Variants in FRK observed in about 807,000 individuals in gnomAD.
The protein encoded by FRK is tyrosine-protein kinase FRK.
A neutral mutation model predicts 56.4 loss-of-function variants in FRK; 51 were observed. That is an observed-to-expected ratio of 0.90 (90% CI 0.72 to 1.14). The LOEUF (loss-of-function observed/expected upper bound fraction) is 1.14. Ranked by LOEUF, FRK falls within the 50% of genes most tolerant of loss-of-function variation. The probability of loss-of-function intolerance (pLI) is 0.00; values close to 1 mark genes in which losing one functional copy is unlikely to be tolerated. For missense variants in FRK, 570 were observed against 601.4 expected, an observed-to-expected ratio of 0.95 and a Z score of 0.55; for synonymous variants, 245 against 217.9, an observed-to-expected ratio of 1.12 and a Z score of -1.10.
At chr6:115,954,158 A>G (rs1772898951) in intron 5 of FRK, among the ~76,000 whole-genome samples, 1 of 152,188 alleles carries the variant, frequency 6.6e-6, no homozygotes, top group Non-Finnish European at 1.5e-5. Flanking sequence ...AAATTCAGGC[A>G]GAGGAAATAA....
intron 1 of FRK, among the ~76,000 whole-genome samples, chr6:116,052,077 GTA>G (rs1777200229): frequency 6.6e-6 from 1 of 152,098 alleles, no homozygotes; most frequent in African/African-American, 2.4e-5. Flanking sequence ...TTTAATATGT[GTA>G]TATGTGATTT....
chr6:116,035,567 A>C (rs6933851), intron 1 of FRK, among the ~76,000 whole-genome samples: 15,753 of 152,166 alleles, frequency 0.1, 979 homozygotes, highest in African/African-American at 0.17. Flanking sequence ...ACTCACTAGC[A>C]AAGTATTAGC....
At chr6:116,064,929 C>A (rs1777731915), upstream of FRK, among the ~76,000 whole-genome samples, 1 of 152,130 alleles carries the variant, frequency 6.6e-6, no homozygotes, top group African/African-American at 2.4e-5. Flanking sequence ...CATCTGTTCC[C>A]ACATCTGATC....
At chr6:116,088,223 C>T in the FRK span, among the ~76,000 whole-genome samples, 6 of 152,212 alleles carry the variant, frequency 3.9e-5, no homozygotes, top group Non-Finnish European at 7.3e-5. Flanking sequence ...ATACCACCTG[C>T]AGCCAAGTCC....
chr6:116,027,101 G>T (rs1250490401), intron 1 of FRK, among the ~76,000 whole-genome samples: 1 of 152,122 alleles, frequency 6.6e-6, no homozygotes, highest in East Asian at 1.9e-4. Context: ...ACTGTTAGAT[G>T]AATTCAAAGT....
chr6:116,082,717 G>T, the FRK span, among the ~76,000 whole-genome samples: 2 of 152,124 alleles, frequency 1.3e-5, no homozygotes, highest in Non-Finnish European at 1.5e-5. Context: ...GGAAAAATTA[G>T]GTCACTTTTA....
intron 1 of FRK, among the ~76,000 whole-genome samples, chr6:116,050,410 T>G (rs181021320): frequency 8.7e-4 from 132 of 152,332 alleles, no homozygotes; most frequent in African/African-American, 3.0e-3. Flanking sequence ...ATAAGATTTA[T>G]TAAATACCTA....
chr6:115,942,509 T>G lies in FRK; in HGVS notation c.1423A>C (p.Lys475Gln). ...AGTGTCTCAAATGTAGGTCGTTCCT[T>G]AGGCTCTGCATTCCAGCACTCCAAC... ...IMLECWNAEP[K>Q]ERPTFETLRW... The change falls in exon 8 of 8, where the codon AAG becomes CAG. Residue 475 changes from lysine (K) to glutamine (Q), a missense_variant. Transcript: ENST00000606080. 1 of 1,613,860 alleles carries G rather than the reference T, an allele frequency of 6.2e-7. No individual in the cohort carries two copies. Among genetic ancestry groups the G allele is most frequent in the East Asian group, 2.2e-5 (1 of 44,882 alleles).
At chr6:116,044,304 A>G (rs530637153) in intron 1 of FRK, among the ~76,000 whole-genome samples, 26 of 152,364 alleles carry the variant, frequency 1.7e-4, no homozygotes, top group Non-Finnish European at 2.4e-4. Context: ...TCAGGCCAAT[A>G]TCCCTGATTA....
Position 115,975,639 on chromosome 6 carries a change from C to CT in FRK, c.467-6901dup, listed in dbSNP as rs532585690. Among the ~76,000 whole-genome samples the CT allele has an allele frequency of 2.8e-3, 433 of 152,160 alleles. 1 individual carries two copies. Among genetic ancestry groups the CT allele is most frequent in the African/African-American group, 9.7e-3 (403 of 41,522 alleles). On this transcript the variant is annotated intron_variant, in intron 2 of 7. Coordinates refer to ENST00000606080, the MANE Select transcript of FRK (RefSeq NM_002031.3). ...ACTATAAGTGAATGCTTGTGCCATTCTTTTTGTGAAATACTATGAGTTCAT... is the reference window on the plus strand; with the variant it reads ...ACTATAAGTGAATGCTTGTGCCATTCTTTTTTGTGAAATACTATGAGTTCAT...
rs2095780 is a variant in FRK, at chr6:115,935,379, C to G, written c.*7035G>C. ...ACCAGGAGATTCCCTCCGGTGCCTA[C>G]GCCACTGGGGCCCTGGGTGTCAAGC... On this transcript the variant is annotated 3_prime_UTR_variant, in exon 8 of 8. Coordinates refer to ENST00000606080, the MANE Select transcript of FRK (RefSeq NM_002031.3). The G allele has an allele frequency of 6.5e-6, 1 of 152,730 alleles. No individual in the cohort carries two copies. Among genetic ancestry groups the G allele is most frequent in the South Asian group, 2.1e-4 (1 of 4,836 alleles). 9.5% of individuals were successfully genotyped at this position (152,730 alleles called of 1,614,324 possible). A position where few individuals can be genotyped will look rare whatever the true frequency, so the allele number is the denominator to read the frequency against.
chr6:116,080,596 TTGCAGTCTAGAAAATAG>T, the FRK span, among the ~76,000 whole-genome samples: 1 of 152,192 alleles, frequency 6.6e-6, no homozygotes, highest in African/African-American at 2.4e-5. Flanking sequence ...TTGAAAATAA[TTGCAGTCTAGAAAATAG>T]ACAATGGATT....
intron 1 of FRK, among the ~76,000 whole-genome samples, chr6:116,057,123 C>T (rs538655667): frequency 1.6e-4 from 24 of 152,250 alleles, no homozygotes; most frequent in African/African-American, 4.8e-4. Flanking sequence ...TACTAACATA[C>T]GTTGCATTAA....
chr6:116,019,369 C>T (rs973497305), intron 1 of FRK, among the ~76,000 whole-genome samples: 3 of 152,036 alleles, frequency 2.0e-5, no homozygotes, highest in East Asian at 3.9e-4. Context: ...AATTTCAAAA[C>T]GTAGGACAAG....
chr6:116,073,469 A>G, the FRK span, among the ~76,000 whole-genome samples: 1 of 152,318 alleles, frequency 6.6e-6, no homozygotes, highest in Non-Finnish European at 1.5e-5. Flanking sequence ...ACAAATTCTA[A>G]CTGGAAACAA....
intron 2 of FRK, among the ~76,000 whole-genome samples, chr6:116,000,247 TTTTTTTTTTTTTTGA>T (rs1406014336): frequency 0.096 from 5,170 of 53,820 alleles, 320 homozygotes; most frequent in Admixed American, 0.24. Flanking sequence ...TTTTTTTTTT[TTTTTTTTTTTTTTGA>T]GACGGAGTCT....
At chr6:115,997,026 C>T (rs1199845289) in intron 2 of FRK, among the ~76,000 whole-genome samples, 1 of 152,138 alleles carries the variant, frequency 6.6e-6, no homozygotes, top group African/African-American at 2.4e-5. Flanking sequence ...TCAAGTTAAT[C>T]ATCCATATTA....
the FRK span, among the ~76,000 whole-genome samples, chr6:116,072,565 A>ACACACAC: frequency 1.4e-5 from 1 of 72,196 alleles, no homozygotes; most frequent in South Asian, 3.1e-4. Context: ...ACACACACAC[A>ACACACAC]AGATACCTTT....
chr6:116,060,024 T>C lies in FRK; in HGVS notation c.288A>G (p.Leu96=). 1.2e-6 allele frequency: 2 copies of C among 1,614,186 alleles called. No individual in the cohort carries two copies. The highest frequency in any genetic ancestry group is 1.7e-6 in the Non-Finnish European group (2 of 1,180,026). ...CGTAGTTAGAAGGAATATAGCCTTGTAGTTGCTGACTGGAGCCATCTCGTC... is the reference window on the plus strand; with the variant it reads ...CGTAGTTAGAAGGAATATAGCCTTGCAGTTGCTGACTGGAGCCATCTCGTC... ...EKRRDGSSQQ[L]QGYIPSNYVA... Residue 96 remains leucine, a synonymous_variant, in exon 1 of 8, where the codon CTA becomes CTG. Transcript: ENST00000606080.
Sources: gnomAD v4.1 joint callset for allele counts (sites outside exome capture counted in the v4.1 genomes callset) on GRCh38, gnomAD v4.1.1 for gene constraint, MANE v1.5 for transcripts, NCBI Gene and HGNC (gene_info 2026-07-23, HGNC 2026-07-21) for gene names.